The following PCDH9 variants were observed in gnomAD, a reference collection of about 807,000 sequenced individuals.
The protein encoded by PCDH9 is protocadherin 9.
PCDH9 carries 24 observed loss-of-function variants against 70.6 expected under a neutral mutation model. The ratio of observed to expected loss-of-function variants is 0.34; its 90% CI spans 0.25 to 0.48. The LOEUF (loss-of-function observed/expected upper bound fraction) is 0.48. Among genes scored for constraint, PCDH9 ranks in the 20% least tolerant of loss-of-function variants. PCDH9 has a pLI of 0.99. For synonymous variants in PCDH9, 562 were observed against 558.5 expected (o/e 1.01, Z -0.09); for missense variants, 1,281 against 1,503.6 (o/e 0.85, Z 2.45).
At chr13:67,186,277 T>C (rs1018971656) in intron 2 of PCDH9, among the ~76,000 whole-genome samples, 4 of 152,122 alleles carry the variant, frequency 2.6e-5, no homozygotes, top group African/African-American at 9.7e-5. Flanking sequence ...ATATGTTGAG[T>C]GATTCTAAAG....
intron 3 of PCDH9, among the ~76,000 whole-genome samples, chr13:66,901,330 G>C (rs901586708): frequency 6.6e-6 from 1 of 151,722 alleles, no homozygotes; most frequent in African/African-American, 2.4e-5. Flanking sequence ...CACAGAGTAT[G>C]AGGTACTATT....
intron 2 of PCDH9, among the ~76,000 whole-genome samples, chr13:67,039,952 G>C (rs1251418989): frequency 6.6e-6 from 1 of 151,880 alleles, no homozygotes; most frequent in African/African-American, 2.4e-5. Flanking sequence ...AGCTCACCTA[G>C]TTGGTATTTG....
chr13:66,342,712 C>T (rs191341895), intron 4 of PCDH9, among the ~76,000 whole-genome samples: 5 of 152,184 alleles, frequency 3.3e-5, no homozygotes, highest in African/African-American at 4.8e-5. Context: ...CAGGTTTGAG[C>T]GATTCTCCCT....
intron 4 of PCDH9, among the ~76,000 whole-genome samples, chr13:66,573,747 T>C (rs1046093847): frequency 2.0e-5 from 3 of 151,964 alleles, no homozygotes; most frequent in Non-Finnish European, 4.4e-5. Flanking sequence ...TTTTGTTTGT[T>C]TGTTTGTTTG....
intron 4 of PCDH9, among the ~76,000 whole-genome samples, chr13:66,332,895 C>G (rs1437262756): frequency 3.3e-5 from 5 of 151,642 alleles, no homozygotes; most frequent in African/African-American, 7.3e-5. Flanking sequence ...CAGAACTAAA[C>G]AGGGATGTGT....
Position 66,948,233 on chromosome 13 carries a change from G to A in PCDH9, c.3037-44628C>T, listed in dbSNP as rs377419102. Among the ~76,000 whole-genome samples, 36 of 152,184 alleles carry A rather than the reference G, an allele frequency of 2.4e-4. No individual in the cohort carries two copies. In the South Asian group the frequency reaches 7.3e-3, roughly 31 times the overall value. On this transcript the variant is annotated intron_variant, in intron 2 of 4. Coordinates refer to ENST00000377865, the MANE Select transcript of PCDH9 (RefSeq NM_203487.3). ...TTCACAGACTTTAAACTGTATAAAT[G>A]TTAATATTTATTTGGACTTCAGAAA...
Position 66,887,537 on chromosome 13 carries a change from G to A in PCDH9, c.3138+15967C>T, listed in dbSNP as rs549197838. On this transcript the variant is annotated intron_variant, in intron 3 of 4. Transcript: ENST00000377865. ...GAATGAACTAATTTGCAACTATAGA[G>A]TGCCCTCATAAACAGCATGCACTTG... Among the ~76,000 whole-genome samples the A allele has an allele frequency of 1.5e-4, 23 of 152,284 alleles. No individual in the cohort carries two copies. In the South Asian group the frequency reaches 3.3e-3, roughly 22 times the overall value.
At chr13:66,793,979 C>T (rs1055800087) in intron 3 of PCDH9, among the ~76,000 whole-genome samples, 4 of 152,080 alleles carry the variant, frequency 2.6e-5, no homozygotes, top group African/African-American at 9.7e-5. Context: ...CCCGACATTG[C>T]TAATTACAAT....
chr13:66,805,091 T>G (rs2080390089), intron 3 of PCDH9, among the ~76,000 whole-genome samples: 1 of 152,186 alleles, frequency 6.6e-6, no homozygotes, highest in Admixed American at 6.5e-5. Flanking sequence ...TAAATATGTT[T>G]CATCCATTAT....
intron 4 of PCDH9, among the ~76,000 whole-genome samples, chr13:66,413,763 A>T (rs1218421518): frequency 1.3e-5 from 2 of 152,018 alleles, no homozygotes; most frequent in Non-Finnish European, 2.9e-5. Context: ...TTGTTTGAAA[A>T]TATATGTTTG....
At chr13:66,321,172 T>G (rs1301353456) in intron 4 of PCDH9, among the ~76,000 whole-genome samples, 1 of 152,050 alleles carries the variant, frequency 6.6e-6, no homozygotes, top group African/African-American at 2.4e-5. Flanking sequence ...TCTATGGCAT[T>G]AAGTTGAAGA....
chr13:67,189,508 T>C (rs1246939407), intron 2 of PCDH9, among the ~76,000 whole-genome samples: 1 of 152,100 alleles, frequency 6.6e-6, no homozygotes, highest in Non-Finnish European at 1.5e-5. Context: ...CACATGTGGT[T>C]AGTGACTACT....
intron 3 of PCDH9, among the ~76,000 whole-genome samples, chr13:66,856,661 A>C (rs2081400200): frequency 6.6e-6 from 1 of 152,034 alleles, no homozygotes; most frequent in African/African-American, 2.4e-5. Flanking sequence ...CTATTGCCAG[A>C]GGCCCACAAA....
At chr13:66,612,201 T>C (rs961256808) in intron 4 of PCDH9, among the ~76,000 whole-genome samples, 3 of 152,186 alleles carry the variant, frequency 2.0e-5, no homozygotes, top group Non-Finnish European at 4.4e-5. Context: ...AATGAATGCA[T>C]AAGGAATCTT....
intron 3 of PCDH9, chr13:66,782,806 G>A (rs1484591389): frequency 6.6e-6 from 1 of 152,040 alleles, no homozygotes; most frequent in Admixed American, 6.6e-5. Flanking sequence ...CCCTGTAAGA[G>A]GTAATTATAC....
intron 2 of PCDH9, among the ~76,000 whole-genome samples, chr13:67,149,402 A>G (rs2087603283): frequency 6.6e-6 from 1 of 152,080 alleles, no homozygotes; most frequent in South Asian, 2.1e-4. Context: ...ACCTACTTTA[A>G]AGGTGTGATG....
At chr13:66,314,196 C>T (rs572521931) in intron 4 of PCDH9, among the ~76,000 whole-genome samples, 14 of 152,302 alleles carry the variant, frequency 9.2e-5, no homozygotes, top group African/African-American at 1.9e-4. Flanking sequence ...CACTTTGAAA[C>T]GCAAGACATT....
chr13:66,952,705 G>A (rs558169330), intron 2 of PCDH9, among the ~76,000 whole-genome samples: 1 of 151,970 alleles, frequency 6.6e-6, no homozygotes, highest in Non-Finnish European at 1.5e-5. Context: ...TGGCCACCAG[G>A]GCCCCAGCTC....
At chr13:66,614,137 T>G (rs2077327161) in intron 4 of PCDH9, among the ~76,000 whole-genome samples, 1 of 152,200 alleles carries the variant, frequency 6.6e-6, no homozygotes, top group Non-Finnish European at 1.5e-5. Context: ...GAAACAGATT[T>G]ACATGTAAGG....
Sources: gnomAD v4.1 joint callset for allele counts (sites outside exome capture counted in the v4.1 genomes callset) on GRCh38, gnomAD v4.1.1 for gene constraint, MANE v1.5 for transcripts, NCBI Gene and HGNC (gene_info 2026-07-23, HGNC 2026-07-21) for gene names.